The following ARID1B variants were observed in gnomAD, a reference collection of about 807,000 sequenced individuals.
The protein encoded by ARID1B is AT-rich interaction domain 1B.
In ARID1B, 30 loss-of-function variants were observed where a neutral mutation model predicts 212.3. The observed-to-expected ratio is 0.14, with a 90% CI of 0.11 to 0.19. The LOEUF (loss-of-function observed/expected upper bound fraction) is 0.19. ARID1B is among the 10% of genes least tolerant of loss of function. The pLI is 1.00. For missense variants in ARID1B, 2,891 were observed against 3,204.0 expected, an observed-to-expected ratio of 0.90 and a Z score of 2.36; for synonymous variants, 1,402 against 1,301.7, an observed-to-expected ratio of 1.08 and a Z score of -1.66.
chr6:157,146,099 A>G (rs573318097), intron 7 of ARID1B, among the ~76,000 whole-genome samples: 578 of 152,066 alleles, frequency 3.8e-3, no homozygotes, highest in Middle Eastern at 0.01. Context: ...TCAGCCACAC[A>G]CAGCGCCCCA....
At chr6:156,901,900 C>T (rs1460167361) in intron 3 of ARID1B, 1 of 222,694 alleles carries the variant, frequency 4.5e-6, no homozygotes, top group African/African-American at 2.3e-5. Context: ...TTGGCACGTG[C>T]ATGGTATTTT....
intron 4 of ARID1B, among the ~76,000 whole-genome samples, chr6:157,037,728 T>C (rs561640901): frequency 3.2e-4 from 49 of 152,258 alleles, no homozygotes; most frequent in African/African-American, 1.1e-3. Flanking sequence ...TTGGCCACTT[T>C]TTGGAGGACG....
intron 3 of ARID1B, among the ~76,000 whole-genome samples, chr6:156,914,702 G>A (rs1352369017): frequency 2.0e-5 from 3 of 152,174 alleles, no homozygotes; most frequent in African/African-American, 7.2e-5. Context: ...TCCAGCTCCT[G>A]CAGGTAATCA....
intron 5 of ARID1B, among the ~76,000 whole-genome samples, chr6:157,101,626 A>G (rs535772954): frequency 2.0e-5 from 3 of 152,056 alleles, no homozygotes; most frequent in Non-Finnish European, 4.4e-5. Flanking sequence ...ATTGCCCTCT[A>G]TATAGTGAGT....
chr6:156,879,364 T>C (rs1183441659), intron 2 of ARID1B, among the ~76,000 whole-genome samples: 1 of 152,196 alleles, frequency 6.6e-6, no homozygotes, highest in African/African-American at 2.4e-5. Context: ...GCAATAAAAA[T>C]TAGGAAAACT....
intron 4 of ARID1B, chr6:156,943,144 C>T (rs184062864): frequency 6.6e-6 from 1 of 152,178 alleles, no homozygotes; most frequent in Non-Finnish European, 1.5e-5. Flanking sequence ...GTTTTCTCAT[C>T]TTTTTCTTTT....
intron 8 of ARID1B, among the ~76,000 whole-genome samples, chr6:157,165,027 A>G (rs1318359596): frequency 6.6e-6 from 1 of 152,216 alleles, no homozygotes; most frequent in Admixed American, 6.5e-5. Context: ...TAAATGCTCA[A>G]TTGTCCCTTG....
intron 4 of ARID1B, among the ~76,000 whole-genome samples, chr6:156,994,364 T>G (rs1778456359): frequency 2.6e-5 from 4 of 152,094 alleles, no homozygotes; most frequent in African/African-American, 9.7e-5. Flanking sequence ...TTTTAAAGCT[T>G]CCAGCATACT....
chr6:156,819,747 C>T (rs1294255015), intron 1 of ARID1B, among the ~76,000 whole-genome samples: 3 of 152,178 alleles, frequency 2.0e-5, no homozygotes, highest in Admixed American at 1.3e-4. Flanking sequence ...ACAGATGAGC[C>T]CACTGTTACT....
rs1325417877 is a variant in ARID1B at position 157,208,041 on chromosome 6, GA to G, written c.*153del. The G allele has an allele frequency of 3.7e-6, 3 of 801,550 alleles. No individual in the cohort carries two copies. The highest frequency in any genetic ancestry group is 5.3e-6 in the Non-Finnish European group (3 of 569,494). 49.7% of individuals were successfully genotyped at this position (801,550 alleles called of 1,614,324 possible). On this transcript the variant is annotated 3_prime_UTR_variant, in exon 20 of 20. Transcript: ENST00000636930. ...CACTATTTACCAATTGGGAATTAAA[GA>G]AATAATTAATTTGAACAGTTATGAA...
At chr6:156,930,638 C>T (rs1791619395) in intron 3 of ARID1B, among the ~76,000 whole-genome samples, 1 of 152,038 alleles carries the variant, frequency 6.6e-6, no homozygotes, top group Non-Finnish European at 1.5e-5. Context: ...AGACTGGAAA[C>T]AACCTAAATG....
chr6:157,050,256 T>C (rs1427346135), intron 4 of ARID1B, among the ~76,000 whole-genome samples: 1 of 152,098 alleles, frequency 6.6e-6, no homozygotes, highest in East Asian at 1.9e-4. Context: ...TTAAAAAATG[T>C]TACTTGTGGC....
intron 19 of ARID1B, chr6:157,205,918 A>ATCTCGG: frequency 2.0e-6 from 1 of 500,838 alleles, no homozygotes; most frequent in Non-Finnish European, 3.6e-6. Context: ...TTTCGTGTAG[A>ATCTCGG]TAGTCTAAGC....
chr6:157,105,536 T>C (rs1786401696), intron 5 of ARID1B, among the ~76,000 whole-genome samples: 1 of 152,184 alleles, frequency 6.6e-6, no homozygotes, highest in Non-Finnish European at 1.5e-5. Flanking sequence ...AGGAAAGATA[T>C]TAAAATGGCC....
intron 2 of ARID1B, among the ~76,000 whole-genome samples, chr6:156,898,928 G>A (rs1470348028): frequency 1.3e-5 from 2 of 152,134 alleles, no homozygotes; most frequent in Non-Finnish European, 2.9e-5. Flanking sequence ...CCAAGATCGC[G>A]CCATTGCACT....
rs1015004964 is a variant in ARID1B at position 156,778,072 on chromosome 6, C to T, written c.392C>T (p.Ser131Phe). Residue 131 changes from serine (S) to phenylalanine (F), a missense_variant, in exon 1 of 20, where the codon TCC becomes TTC. Around this residue, in one of 7 missense-constraint regions of ARID1B, gnomAD observed 1,643 missense variants for 1,544.0 expected, o/e 1.06. Transcript: ENST00000636930. The part of the protein sequence containing the change: ...SSSSAAAAAA[S>F]SSSSSGPGSA... Reference sequence around the variant, plus strand: ...TCCTCCGCGGCGGCAGCGGCGGCATCCTCTTCCTCCTCGTCGGGCCCGGGC... The same window carrying T: ...TCCTCCGCGGCGGCAGCGGCGGCATTCTCTTCCTCCTCGTCGGGCCCGGGC... The T allele has an allele frequency of 1.0e-5, 16 of 1,539,286 alleles. No homozygotes were observed. The highest frequency in any genetic ancestry group is 1.4e-5 in the African/African-American group (1 of 72,878).
chr6:157,184,447 C>T lies in ARID1B; in HGVS notation c.3919+12C>T, dbSNP rs370688711. ...GCCGCCATCTCCTGGTAAGTGGCGGCGCTGCAGTCACTGGCCCAGGAAAGC... is the reference window on the plus strand; with the variant it reads ...GCCGCCATCTCCTGGTAAGTGGCGGTGCTGCAGTCACTGGCCCAGGAAAGC... On this transcript the variant is annotated intron_variant, in intron 13 of 19. Coordinates refer to ENST00000636930, the MANE Select transcript of ARID1B (RefSeq NM_001374828.1). The T allele has an allele frequency of 2.5e-5, 41 of 1,613,670 alleles. No individual in the cohort carries two copies. Among genetic ancestry groups the T allele is most frequent in the Middle Eastern group, 3.3e-4 (2 of 6,082 alleles).
intron 4 of ARID1B, among the ~76,000 whole-genome samples, chr6:156,964,848 G>C (rs976752949): frequency 1.3e-5 from 2 of 152,140 alleles, no homozygotes; most frequent in African/African-American, 4.8e-5. Context: ...TTCTATTTTA[G>C]CTTGTAGGAA....
chr6:157,052,939 C>T (rs571277256), intron 4 of ARID1B, among the ~76,000 whole-genome samples: 82 of 152,058 alleles, frequency 5.4e-4, no homozygotes, highest in Non-Finnish European at 9.3e-4. Flanking sequence ...AGTATTGTCT[C>T]GATCTCCTGA....
Sources: allele counts gnomAD v4.1 joint callset (sites outside exome capture counted in the v4.1 genomes callset), GRCh38; gene constraint gnomAD v4.1.1; regional missense constraint gnomAD v4.1.1; transcripts MANE v1.5; gene names NCBI Gene and HGNC (gene_info 2026-07-23, HGNC 2026-07-21).